FBXO25: variants seen among roughly 807,000 people sequenced by gnomAD.
The protein encoded by FBXO25 is F-box protein 25, also known as F-box only protein 25.
FBXO25 carries 45 observed loss-of-function variants against 51.9 expected under a neutral mutation model. The ratio of observed to expected loss-of-function variants is 0.87; its 90% confidence interval spans 0.68 to 1.11. FBXO25 has a LOEUF of 1.11. Among genes scored for constraint, FBXO25 ranks in the 50% most tolerant of loss-of-function variants. FBXO25 has a pLI of 0.00. For missense variants in FBXO25, 507 were observed against 428.5 expected, an observed-to-expected ratio of 1.18 and a Z score of -1.62; for synonymous variants, 199 against 151.0, an observed-to-expected ratio of 1.32 and a Z score of -2.33.
chr8:407,579 C>T (rs1218285995), intron 1 of FBXO25, among the ~76,000 whole-genome samples: 1 of 152,046 alleles, frequency 6.6e-6, no homozygotes, highest in Non-Finnish European at 1.5e-5. Context: ...GGCCGTCTTG[C>T]AGGCCCGAGC....
Position 473,828 on chromosome 8 carries a change from C to A in FBXO25, c.*5024C>A, listed in dbSNP as rs551245823. The A allele has an allele frequency of 6.6e-6, 1 of 152,266 alleles. No individual in the cohort carries two copies. Among genetic ancestry groups the A allele is most frequent in the South Asian group, 2.1e-4 (1 of 4,814 alleles). 9.4% of individuals were successfully genotyped at this position (152,266 alleles called of 1,614,324 possible). ...CTGTCTCGTTTTTGCATGGAAATTTCATTTTTATTTGATAATCATTTGAGA... is the reference window on the plus strand; with the variant it reads ...CTGTCTCGTTTTTGCATGGAAATTTAATTTTTATTTGATAATCATTTGAGA... On this transcript the variant is annotated 3_prime_UTR_variant, in exon 10 of 10. Transcript: ENST00000350302.
At position 424,792 on chromosome 8, in the gene FBXO25, G is replaced by C. The variant is rs529348852; in HGVS notation, c.135-6549G>C. ...TTATAGTATAGTTTGAAGTTGAGTA[G>C]TGTGATGCCTCTGGCTTTGTTCTTT... On this transcript the variant is annotated intron_variant, in intron 2 of 9. Transcript: ENST00000350302. 6.6e-5 allele frequency among the ~76,000 whole-genome samples: 10 copies of C among 152,274 alleles called. No individual in the cohort carries two copies. The East Asian group carries it at 1.7e-3, about 26-fold the overall frequency.
At position 468,793 on chromosome 8, in the gene FBXO25, T is replaced by C. The variant is rs756280057; in HGVS notation, c.1066T>C (p.Phe356Leu). The change falls in exon 10 of 10, where the codon TTC becomes CTC. Residue 356 changes from phenylalanine to leucine, a missense_variant. Phe to Leu is a conservative substitution (Grantham distance 22). Coordinates refer to ENST00000350302, the MANE Select transcript of FBXO25 (RefSeq NM_183420.2). ...GTCTCCGCAGCACTTCATCGACCTCTTCAAGTTTTAAGGGCTGCCCCTGCC... is the reference window on the plus strand; with the variant it reads ...GTCTCCGCAGCACTTCATCGACCTCCTCAAGTTTTAAGGGCTGCCCCTGCC... ...PVSPQHFIDL[F>L]KF 6.2e-7 allele frequency: 1 copy of C among 1,613,974 alleles called. No homozygotes were observed. The highest frequency in any genetic ancestry group is 8.5e-7 in the Non-Finnish European group (1 of 1,179,980).
At chr8:465,033 A>G (rs1012745624) in intron 9 of FBXO25, among the ~76,000 whole-genome samples, 4 of 152,154 alleles carry the variant, frequency 2.6e-5, no homozygotes, top group Non-Finnish European at 2.9e-5. Flanking sequence ...CCCTCATTCT[A>G]TTCTTTTCTC....
At chr8:423,871 C>T (rs1370555735) in intron 2 of FBXO25, among the ~76,000 whole-genome samples, 1 of 152,142 alleles carries the variant, frequency 6.6e-6, no homozygotes, top group African/African-American at 2.4e-5. Flanking sequence ...ATCTCTAGAC[C>T]ACTTCCCACA....
rs142544849 is a variant in FBXO25, at chr8:448,809, T to C, written c.382-1181T>C. On this transcript the variant is annotated intron_variant, in intron 5 of 9. Transcript: ENST00000350302. ...GGGATGGAAGGAAGAAGGAGCAAGATGAATGGCAGTTTTATCACAATGTGG... is the reference window on the plus strand; with the variant it reads ...GGGATGGAAGGAAGAAGGAGCAAGACGAATGGCAGTTTTATCACAATGTGG... 4.5e-3 allele frequency among the ~76,000 whole-genome samples: 690 copies of C among 152,320 alleles called. 7 individuals carry two copies. Among genetic ancestry groups the C allele is most frequent in the African/African-American group, 0.016 (657 of 41,574 alleles).
At chr8:446,900 G>A (rs374234150) in intron 5 of FBXO25, among the ~76,000 whole-genome samples, 5 of 151,732 alleles carry the variant, frequency 3.3e-5, no homozygotes, top group African/African-American at 1.2e-4. Context: ...ATCAAGAAAG[G>A]CTGGAAGGAG....
rs753331906 is a variant in FBXO25, at chr8:462,856, T to A, written c.844-151T>A. 5 of 823,194 alleles carry A rather than the reference T, an allele frequency of 6.1e-6. 1 individual carries two copies. In the South Asian group the frequency reaches 7.5e-5, roughly 12 times the overall value. The allele number at this position is 823,194 out of a possible 1,614,324, so 51.0% of individuals were successfully genotyped here. ...CCAGACTTCAGCACTGTACAATTCA[T>A]CCATGTAACCAAAACCCACTTGTAA... On this transcript the variant is annotated intron_variant, in intron 8 of 9. Transcript: ENST00000350302.
chr8:466,423 A>C (rs1464611447), intron 9 of FBXO25, among the ~76,000 whole-genome samples: 1 of 152,230 alleles, frequency 6.6e-6, no homozygotes, highest in African/African-American at 2.4e-5. Flanking sequence ...GGAAACTGGC[A>C]CATAGCTGGT....
chr8:462,722 A>G (rs767281719), intron 8 of FBXO25, among the ~76,000 whole-genome samples: 2 of 152,164 alleles, frequency 1.3e-5, no homozygotes, highest in Non-Finnish European at 2.9e-5. Flanking sequence ...TCAGAGAGGT[A>G]TAATACACAT....
chr8:468,859 C>T lies in FBXO25; in HGVS notation c.*55C>T. 1.3e-6 allele frequency: 2 copies of T among 1,529,474 alleles called. No individual in the cohort carries two copies. Among genetic ancestry groups the T allele is most frequent in the East Asian group, 2.3e-5 (1 of 43,702 alleles). 94.7% of individuals were successfully genotyped at this position (1,529,474 alleles called of 1,614,324 possible). ...TGTGAATCCTGCTGTCTGTGCAGGG[C>T]TCATAGTGAGTGTTCTGTGAGGTGG... On this transcript the variant is annotated 3_prime_UTR_variant, in exon 10 of 10. Transcript: ENST00000350302.
chr8:424,163 G>C (rs1368142629), intron 2 of FBXO25, among the ~76,000 whole-genome samples: 1 of 145,874 alleles, frequency 6.9e-6, no homozygotes, highest in East Asian at 2.0e-4. Flanking sequence ...CTGACACCCA[G>C]GCTGGAGTGC....
chr8:413,003 A>G (rs1346710657), intron 1 of FBXO25, 70 bp from the exon 2 acceptor site: 297 of 944,934 alleles, frequency 3.1e-4, no homozygotes, highest in Middle Eastern at 8.1e-4. Context: ...TAAAATTAAT[A>G]AATGTTCTAA....
At position 476,762 on chromosome 8, in the gene FBXO25, A is replaced by C. The variant is rs557002199; in HGVS notation, c.*7958A>C. 15 of 151,648 alleles carry C rather than the reference A, an allele frequency of 9.9e-5. No individual in the cohort carries two copies. The highest frequency in any genetic ancestry group is 3.4e-4 in the African/African-American group (14 of 41,396). The allele number at this position is 151,648 out of a possible 1,614,324, so 9.4% of individuals were successfully genotyped here. On this transcript the variant is annotated 3_prime_UTR_variant, in exon 10 of 10. Coordinates refer to ENST00000350302, the MANE Select transcript of FBXO25 (RefSeq NM_183420.2). ...TATCAACAAACTCTTGGTTTCATTT[A>C]TTTTTCTCTATTGCTTTTCTGTTCT...
At chr8:429,703 C>G (rs1049634443) in intron 2 of FBXO25, among the ~76,000 whole-genome samples, 7 of 152,170 alleles carry the variant, frequency 4.6e-5, no homozygotes, top group African/African-American at 9.7e-5. Flanking sequence ...AAAATAGTAG[C>G]CTAGTTGTCA....
intron 2 of FBXO25, among the ~76,000 whole-genome samples, chr8:415,771 C>G (rs1033462490): frequency 6.6e-6 from 1 of 152,132 alleles, no homozygotes; most frequent in East Asian, 1.9e-4. Context: ...TTCTGCCACT[C>G]AGTTTTATGT....
At chr8:468,366 AG>A (rs1164814114) in intron 9 of FBXO25, 3 of 734,740 alleles carry the variant, frequency 4.1e-6, no homozygotes, top group African/African-American at 1.9e-5. Flanking sequence ...CTGGGACCAG[AG>A]GACAGAAAGT....
intron 7 of FBXO25, among the ~76,000 whole-genome samples, chr8:454,022 G>A (rs943130126): frequency 1.3e-5 from 2 of 152,144 alleles, no homozygotes; most frequent in African/African-American, 2.4e-5. Flanking sequence ...TACTCGGGAG[G>A]CTAAGGCAGG....
At position 477,598 on chromosome 8, in the gene FBXO25, T is replaced by C. The variant is rs1293467267; in HGVS notation, c.*8794T>C. On this transcript the variant is annotated 3_prime_UTR_variant, in exon 10 of 10. Transcript: ENST00000350302. Reference sequence around the variant, plus strand: ...GGCCGGGAATTTGAGGCTGCAAGGATAGGTACACACAGGGGAGTGAAGCAG... The same window carrying C: ...GGCCGGGAATTTGAGGCTGCAAGGACAGGTACACACAGGGGAGTGAAGCAG... 4.6e-5 allele frequency: 7 copies of C among 152,332 alleles called. No individual in the cohort carries two copies. In the East Asian group the frequency reaches 7.7e-4, roughly 17 times the overall value. 9.4% of individuals were successfully genotyped at this position (152,332 alleles called of 1,614,324 possible).
Sources: gnomAD v4.1 joint callset for allele counts (sites outside exome capture counted in the v4.1 genomes callset) on GRCh38, gnomAD v4.1.1 for gene constraint, MANE v1.5 for transcripts, NCBI Gene and HGNC (gene_info 2026-07-23, HGNC 2026-07-21) for gene names.